FNDC3A: variants seen among roughly 807,000 people sequenced by gnomAD.
FNDC3A encodes fibronectin type-III domain-containing protein 3A.
A neutral mutation model predicts 148.9 loss-of-function variants in FNDC3A; 32 were observed. The observed-to-expected ratio is 0.21, with a 90% CI of 0.16 to 0.29. FNDC3A has a LOEUF of 0.29. FNDC3A is among the 10% of genes least tolerant of loss of function. The probability of loss-of-function intolerance (pLI) is 1.00; values close to 1 mark genes in which losing one functional copy is unlikely to be tolerated. For missense variants in FNDC3A, 1,191 were observed against 1,452.8 expected (o/e 0.82, Z 2.93); for synonymous variants, 472 against 473.6 (o/e 1.00, Z 0.04).
chr13:49,055,249 A>G (rs1417545245), intron 2 of FNDC3A, among the ~76,000 whole-genome samples: 1 of 152,058 alleles, frequency 6.6e-6, no homozygotes, highest in Non-Finnish European at 1.5e-5. Flanking sequence ...GAATACAAGC[A>G]TGCACCACTA....
intron 7 of FNDC3A, 31 bp downstream of exon 7, chr13:49,138,836 A>C: frequency 9.0e-7 from 1 of 1,111,420 alleles, no homozygotes; most frequent in Non-Finnish European, 1.3e-6. Context: ...ATTGATGTTT[A>C]TATTTAATAT....
At chr13:49,045,052 CCCTTTCCCTTTTCCTTTCCCTTTCCCTTT>C (rs1875260884) in intron 2 of FNDC3A, 5 of 50,960 alleles carry the variant, frequency 9.8e-5, no homozygotes, top group Non-Finnish European at 2.2e-4. Flanking sequence ...CTTTTCCTTT[CCCTTTCCCTTTTCCTTTCCCTTTCCCTTT>C]CCTTTCCCTT....
At chr13:49,092,330 T>C (rs747026358) in intron 3 of FNDC3A, among the ~76,000 whole-genome samples, 2 of 152,234 alleles carry the variant, frequency 1.3e-5, no homozygotes, top group African/African-American at 2.4e-5. Context: ...CCACTAGGCA[T>C]TGTGCCTCTT....
intron 2 of FNDC3A, among the ~76,000 whole-genome samples, chr13:49,050,828 G>T (rs895712175): frequency 6.6e-6 from 1 of 152,132 alleles, no homozygotes; most frequent in African/African-American, 2.4e-5. Context: ...GGGCTCCAGT[G>T]TTAGGTGCAT....
intron 19 of FNDC3A, among the ~76,000 whole-genome samples, chr13:49,193,222 T>C (rs748484102): frequency 1.3e-5 from 2 of 152,180 alleles, no homozygotes; most frequent in Non-Finnish European, 2.9e-5. Context: ...ACAGTACTCT[T>C]TATTTGTAGA....
rs1875044308 is a variant in FNDC3A at position 49,042,783 on chromosome 13, T to C, written c.100-32506T>C. 2.0e-5 allele frequency among the ~76,000 whole-genome samples: 3 copies of C among 152,184 alleles called. No homozygotes were observed. In the South Asian group the frequency reaches 6.2e-4, roughly 32 times the overall value. ...CAGAGACCCTGTCTCAAAAAAAAAT[T>C]AATTGTTGTTGTAAGTATTTAGAGG... On this transcript the variant is annotated intron_variant, in intron 2 of 25. Coordinates refer to ENST00000492622, the MANE Select transcript of FNDC3A (RefSeq NM_001079673.2).
chr13:49,072,421 T>C (rs1237193968), intron 2 of FNDC3A, among the ~76,000 whole-genome samples: 1 of 152,130 alleles, frequency 6.6e-6, no homozygotes, highest in Non-Finnish European at 1.5e-5. Context: ...GTGCATAGAT[T>C]TATTTCTGGG....
intron 3 of FNDC3A, among the ~76,000 whole-genome samples, chr13:49,081,839 A>G (rs564579944): frequency 4.3e-4 from 66 of 152,166 alleles, no homozygotes; most frequent in Non-Finnish European, 7.6e-4. Flanking sequence ...AGACTTTCTT[A>G]TATACCTTTA....
rs925531412 is a variant in FNDC3A, at chr13:49,058,231, C to T, written c.100-17058C>T. Among the ~76,000 whole-genome samples the T allele has an allele frequency of 3.9e-5, 6 of 152,062 alleles. No individual in the cohort carries two copies. The South Asian group carries it at 1.2e-3, about 31-fold the overall frequency. ...TCTAAGGGGGTCTGCATGAGAGGGT[C>T]GTGATCGATTGAGCAAGCAGGAGGT... is the stretch of plus-strand genomic sequence containing the variant. On this transcript the variant is annotated intron_variant, in intron 2 of 25. Coordinates refer to ENST00000492622, the MANE Select transcript of FNDC3A (RefSeq NM_001079673.2).
intron 11 of FNDC3A, among the ~76,000 whole-genome samples, chr13:49,173,917 G>A (rs1884893150): frequency 6.6e-6 from 1 of 151,980 alleles, no homozygotes. Context: ...GCCTGTAATT[G>A]GGCTGTGCTC....
chr13:49,083,921 T>C (rs572538705), intron 3 of FNDC3A, among the ~76,000 whole-genome samples: 2 of 152,360 alleles, frequency 1.3e-5, no homozygotes, highest in Admixed American at 6.5e-5. Context: ...GATTCCAGAA[T>C]AATCTGTTTA....
chr13:49,109,185 T>C (rs1302041078), intron 3 of FNDC3A, among the ~76,000 whole-genome samples: 2 of 152,244 alleles, frequency 1.3e-5, no homozygotes, highest in African/African-American at 4.8e-5. Flanking sequence ...GTATGTACTC[T>C]GCACTATGTG....
chr13:49,193,265 T>C (rs1885979666), intron 19 of FNDC3A, among the ~76,000 whole-genome samples: 1 of 152,170 alleles, frequency 6.6e-6, no homozygotes, highest in Non-Finnish European at 1.5e-5. Flanking sequence ...TATAGACAGA[T>C]AGACAGACTT....
chr13:49,158,991 T>G (rs895547004), intron 8 of FNDC3A, among the ~76,000 whole-genome samples: 2 of 152,310 alleles, frequency 1.3e-5, no homozygotes, highest in Non-Finnish European at 2.9e-5. Context: ...CTCTGTTTTC[T>G]TACCAGTAAC....
intron 24 of FNDC3A, 128 bp downstream of exon 24, chr13:49,202,094 A>G (rs1886445784): frequency 3.7e-6 from 2 of 541,460 alleles, no homozygotes; most frequent in East Asian, 3.4e-5. Flanking sequence ...ACAAAATCGT[A>G]TAGGCAAGCC....
At chr13:49,190,886 G>T in intron 17 of FNDC3A, 129 bp from the exon 18 acceptor site, 7 of 601,680 alleles carry the variant, frequency 1.2e-5, no homozygotes, top group Admixed American at 3.6e-5. Context: ...TTCCTTTTTT[G>T]TTGACAATCA....
chr13:49,057,508 C>G (rs2137727544), intron 2 of FNDC3A, among the ~76,000 whole-genome samples: 1 of 152,124 alleles, frequency 6.6e-6, no homozygotes, highest in African/African-American at 2.4e-5. Flanking sequence ...GTTCTTAGCT[C>G]TTTTTTACAA....
chr13:49,074,381 A>G (rs1003209486), intron 2 of FNDC3A, among the ~76,000 whole-genome samples: 1 of 151,928 alleles, frequency 6.6e-6, no homozygotes, highest in Non-Finnish European at 1.5e-5. Flanking sequence ...AAGTAGTAAA[A>G]CTCTTTTAAA....
At chr13:49,056,424 A>C (rs3012127) in intron 2 of FNDC3A, among the ~76,000 whole-genome samples, 48,935 of 151,970 alleles carry the variant, frequency 0.32, 7,993 homozygotes, top group South Asian at 0.48. Context: ...TAGTGTGTCT[A>C]GGAGTGGATT....
Sources: gnomAD v4.1 joint callset for allele counts (sites outside exome capture counted in the v4.1 genomes callset) on GRCh38, gnomAD v4.1.1 for gene constraint, MANE v1.5 for transcripts, NCBI Gene and HGNC (gene_info 2026-07-23, HGNC 2026-07-21) for gene names.